The following SLC35F1 variants were observed in gnomAD, a reference collection of about 807,000 sequenced individuals.
SLC35F1 encodes the protein chromosome 6 open reading frame 169.
Under a neutral mutation model 48.7 loss-of-function variants are expected in SLC35F1, and 14 were observed. The observed-to-expected ratio is 0.29, with a 90% CI of 0.19 to 0.45. SLC35F1 has a LOEUF of 0.45. Ranked by LOEUF, SLC35F1 falls within the 20% of genes least tolerant of loss-of-function variation. The probability of loss-of-function intolerance (pLI) is 1.00; values close to 1 mark genes in which losing one functional copy is unlikely to be tolerated. For synonymous variants in SLC35F1, 190 were observed against 202.2 expected (o/e 0.94, Z 0.51); for missense variants, 404 against 500.0 (o/e 0.81, Z 1.83).
Position 118,266,937 on chromosome 6 carries a change from A to G in SLC35F1, c.478-58A>G. On this transcript the variant is annotated intron_variant, in intron 3 of 7. Transcript: ENST00000360388. The stretch of plus-strand genomic sequence containing the variant: ...CAGAACTAAATTACTTTTCCCTACT[A>G]CATGGAATGCTTCCTCCTGAATCTC... 3 of 1,591,784 alleles carry G rather than the reference A, an allele frequency of 1.9e-6. No homozygotes were observed. In the Admixed American group the frequency reaches 5.0e-5, roughly 27 times the overall value.
chr6:118,153,419 CATT>C (rs1263876178), intron 1 of SLC35F1, among the ~76,000 whole-genome samples: 1 of 152,030 alleles, frequency 6.6e-6, no homozygotes, highest in Non-Finnish European at 1.5e-5. Context: ...AAATATGTAC[CATT>C]ATTATGTGTC....
intron 1 of SLC35F1, among the ~76,000 whole-genome samples, chr6:117,978,855 G>A (rs963990430): frequency 2.6e-5 from 4 of 152,144 alleles, no homozygotes; most frequent in African/African-American, 9.7e-5. Context: ...TTCTTCATGT[G>A]TCTGAAATTC....
intron 1 of SLC35F1, among the ~76,000 whole-genome samples, chr6:118,014,389 G>T (rs1402359486): frequency 1.3e-5 from 2 of 152,036 alleles, no homozygotes. Context: ...AGAAATGGTG[G>T]GCTCTACATG....
chr6:118,239,401 A>G (rs1775407267), intron 3 of SLC35F1, among the ~76,000 whole-genome samples: 1 of 151,746 alleles, frequency 6.6e-6, no homozygotes, highest in Non-Finnish European at 1.5e-5. Context: ...TTAGCTTCAC[A>G]CCAAAACTGG....
At chr6:118,024,615 A>G (rs1046464435) in intron 1 of SLC35F1, among the ~76,000 whole-genome samples, 3 of 152,196 alleles carry the variant, frequency 2.0e-5, no homozygotes, top group Admixed American at 2.0e-4. Flanking sequence ...GAATTTCTGT[A>G]AATAAATTTA....
At chr6:118,150,444 C>A (rs897797492) in intron 1 of SLC35F1, among the ~76,000 whole-genome samples, 6 of 152,098 alleles carry the variant, frequency 3.9e-5, no homozygotes, top group Non-Finnish European at 8.8e-5. Context: ...AAATTGTATT[C>A]TCTTATATAA....
At chr6:118,246,954 C>A (rs1775515426) in intron 3 of SLC35F1, among the ~76,000 whole-genome samples, 1 of 152,112 alleles carries the variant, frequency 6.6e-6, no homozygotes. Flanking sequence ...GCCTGAGATC[C>A]ATATGATAGT....
intron 3 of SLC35F1, among the ~76,000 whole-genome samples, chr6:118,255,434 A>G (rs1354119654): frequency 6.6e-6 from 1 of 152,204 alleles, no homozygotes; most frequent in Non-Finnish European, 1.5e-5. Flanking sequence ...ATGATCCTCA[A>G]CAAGGAGGAT....
intron 1 of SLC35F1, among the ~76,000 whole-genome samples, chr6:118,118,334 T>C (rs1487754206): frequency 1.3e-5 from 2 of 152,194 alleles, no homozygotes; most frequent in Non-Finnish European, 2.9e-5. Flanking sequence ...AATTTTACCC[T>C]GGACTATTGT....
intron 1 of SLC35F1, among the ~76,000 whole-genome samples, chr6:117,953,480 A>G (rs1334718381): frequency 6.6e-6 from 1 of 152,150 alleles, no homozygotes; most frequent in Non-Finnish European, 1.5e-5. Context: ...TGAGAGACAC[A>G]TATATCTAGT....
intron 1 of SLC35F1, among the ~76,000 whole-genome samples, chr6:118,011,279 C>T (rs1285718015): frequency 6.6e-6 from 1 of 152,156 alleles, no homozygotes; most frequent in East Asian, 1.9e-4. Context: ...AATTGGCTCA[C>T]AGTTTCACAG....
intron 1 of SLC35F1, among the ~76,000 whole-genome samples, chr6:118,147,508 G>T (rs1773991927): frequency 6.6e-6 from 1 of 152,090 alleles, no homozygotes; most frequent in Non-Finnish European, 1.5e-5. Flanking sequence ...TTGAAAGGGA[G>T]CATAAGAAGT....
At chr6:118,301,583 A>G (rs755962214) in intron 7 of SLC35F1, among the ~76,000 whole-genome samples, 21 of 152,242 alleles carry the variant, frequency 1.4e-4, no homozygotes, top group Admixed American at 5.2e-4. Context: ...GCTAATATTT[A>G]GATTTATTTT....
At chr6:118,096,819 A>C (rs1773183129) in intron 1 of SLC35F1, among the ~76,000 whole-genome samples, 1 of 151,962 alleles carries the variant, frequency 6.6e-6, no homozygotes, top group Non-Finnish European at 1.5e-5. Context: ...TTGTGGTTTC[A>C]CTCCTACCCC....
At chr6:118,240,038 A>C (rs1046385739) in intron 3 of SLC35F1, among the ~76,000 whole-genome samples, 1 of 152,250 alleles carries the variant, frequency 6.6e-6, no homozygotes, top group Non-Finnish European at 1.5e-5. Flanking sequence ...TATAAATATT[A>C]ATTGAACACA....
At chr6:118,195,855 G>A (rs1387202300) in intron 2 of SLC35F1, among the ~76,000 whole-genome samples, 1 of 152,246 alleles carries the variant, frequency 6.6e-6, no homozygotes, top group Admixed American at 6.5e-5. Flanking sequence ...AGAGATCAGC[G>A]GACACAGGTG....
chr6:118,019,375 AT>A (rs1777364290), intron 1 of SLC35F1, among the ~76,000 whole-genome samples: 1 of 152,180 alleles, frequency 6.6e-6, no homozygotes, highest in South Asian at 2.1e-4. Context: ...GTACTAAGAT[AT>A]TGATATACGC....
intron 1 of SLC35F1, among the ~76,000 whole-genome samples, chr6:118,033,150 G>GAAAT (rs954344039): frequency 2.6e-5 from 4 of 152,118 alleles, no homozygotes; most frequent in African/African-American, 9.6e-5. Context: ...TCTATTTCAT[G>GAAAT]AAATAAATAA....
chr6:117,941,081 C>G (rs1297222565), intron 1 of SLC35F1, among the ~76,000 whole-genome samples: 1 of 152,154 alleles, frequency 6.6e-6, no homozygotes. Context: ...GATCCCTGGT[C>G]ATGGTTTATC....
Sources: gnomAD v4.1 joint callset for allele counts (sites outside exome capture counted in the v4.1 genomes callset) on GRCh38, gnomAD v4.1.1 for gene constraint, MANE v1.5 for transcripts, NCBI Gene and HGNC (gene_info 2026-07-23, HGNC 2026-07-21) for gene names.